GPC3: variants seen among roughly 807,000 people sequenced by gnomAD.
GPC3 encodes the protein glypican-3.
A neutral mutation model predicts 34.4 loss-of-function variants in GPC3; 3 were observed. The observed-to-expected ratio is 0.09, with a 90% CI of 0.04 to 0.23. GPC3 has a LOEUF of 0.23. GPC3 is among the 10% of genes least tolerant of loss of function. The pLI is 1.00. For missense variants in GPC3, 351 were observed against 445.6 expected, an observed-to-expected ratio of 0.79 and a Z score of 1.91; for synonymous variants, 177 against 174.0, an observed-to-expected ratio of 1.02 and a Z score of -0.13.
chrX:133,652,030 C>T (rs1042941412), intron 6 of GPC3, among the ~76,000 whole-genome samples: 1 of 111,959 alleles, frequency 8.9e-6, no homozygotes, highest in Non-Finnish European at 1.9e-5. Flanking sequence ...ATGGTTGCTT[C>T]CAAGAGCTCA....
chrX:133,568,255 G>T (rs187255866), intron 7 of GPC3, among the ~76,000 whole-genome samples: 6 of 111,831 alleles, frequency 5.4e-5, no homozygotes, highest in African/African-American at 2.0e-4. Flanking sequence ...AAAACACTTT[G>T]CACATCTCCA....
At chrX:133,736,728 G>A (rs2071514482) in intron 3 of GPC3, among the ~76,000 whole-genome samples, 1 of 111,723 alleles carries the variant, frequency 9.0e-6, no homozygotes, top group Non-Finnish European at 1.9e-5. Flanking sequence ...CAGGGGAGAT[G>A]GAGAGTAATA....
chrX:133,839,927 CAAA>C (rs138981758), intron 2 of GPC3, among the ~76,000 whole-genome samples: 4 of 50,080 alleles, frequency 8.0e-5, no homozygotes, highest in Admixed American at 2.8e-4. Context: ...GACTCCGTTT[CAAA>C]AAAAAAAAAA....
At chrX:133,806,588 T>C (rs1475251051) in intron 2 of GPC3, among the ~76,000 whole-genome samples, 1 of 111,816 alleles carries the variant, frequency 8.9e-6, no homozygotes, top group African/African-American at 3.2e-5. Flanking sequence ...TTGTTGAAAT[T>C]GAGATCACCT....
Position 133,635,592 on chromosome X carries a change from G to C in GPC3, c.1413+26138C>G, listed in dbSNP as rs150798784. Reference sequence around the variant, plus strand: ...AAAATATACCTAAGAAAGTATGCCAGACTCACACTCCATTCATCAAACCAC... The same window carrying C: ...AAAATATACCTAAGAAAGTATGCCACACTCACACTCCATTCATCAAACCAC... On this transcript the variant is annotated intron_variant, in intron 6 of 7. Transcript: ENST00000370818. 9.0e-3 allele frequency among the ~76,000 whole-genome samples: 1,006 copies of C among 111,724 alleles called. 14 individuals are homozygous for C. The highest frequency in any genetic ancestry group is 0.03 in the African/African-American group (915 of 30,775).
intron 6 of GPC3, among the ~76,000 whole-genome samples, chrX:133,604,593 G>C (rs2070026014): frequency 9.0e-6 from 1 of 111,591 alleles, no homozygotes; most frequent in African/African-American, 3.3e-5. Flanking sequence ...ACATGGCTAA[G>C]AGTTTGCTTG....
intron 5 of GPC3, among the ~76,000 whole-genome samples, chrX:133,672,929 C>T (rs1235105664): frequency 2.8e-5 from 3 of 105,303 alleles, no homozygotes; most frequent in Non-Finnish European, 5.8e-5. Context: ...GGATTATAGG[C>T]GTGAGCCACT....
chrX:133,732,152 C>T (rs1381480005), intron 3 of GPC3, among the ~76,000 whole-genome samples: 1 of 111,208 alleles, frequency 9.0e-6, no homozygotes, highest in Non-Finnish European at 1.9e-5. Context: ...ATGTCCTGTA[C>T]AATCAGGATG....
intron 2 of GPC3, among the ~76,000 whole-genome samples, chrX:133,765,264 G>C (rs1412867580): frequency 8.9e-6 from 1 of 112,001 alleles, no homozygotes; most frequent in Non-Finnish European, 1.9e-5. Flanking sequence ...TCTACATCTG[G>C]CTATTGTTTT....
At chrX:133,757,402 G>C (rs1310421624) in intron 2 of GPC3, among the ~76,000 whole-genome samples, 1 of 110,886 alleles carries the variant, frequency 9.0e-6, no homozygotes, top group Non-Finnish European at 1.9e-5. Flanking sequence ...GTACAATCAG[G>C]GTATTACCTC....
chrX:133,985,184 G>T, intron 1 of GPC3, 91 bp downstream of exon 1: 1 of 1,013,828 alleles, frequency 9.9e-7, no homozygotes, highest in Non-Finnish European at 1.4e-6. Flanking sequence ...CACGACTACA[G>T]CCCGGCGGGG....
intron 1 of GPC3, among the ~76,000 whole-genome samples, chrX:133,966,474 A>T (rs1018461942): frequency 6.2e-5 from 7 of 112,209 alleles, no homozygotes; most frequent in African/African-American, 2.3e-4. Context: ...TGCTTCTCCC[A>T]GCTCTAATAG....
chrX:133,726,978 T>C (rs2071414785), intron 3 of GPC3, among the ~76,000 whole-genome samples: 1 of 111,835 alleles, frequency 8.9e-6, no homozygotes, highest in South Asian at 3.8e-4. Context: ...TTGACTTGAG[T>C]TTCTGTTTCC....
intron 1 of GPC3, among the ~76,000 whole-genome samples, chrX:133,953,464 C>G (rs1331064736): frequency 1.8e-5 from 2 of 111,772 alleles, no homozygotes; most frequent in Non-Finnish European, 3.8e-5. Context: ...CTAGGTTTGA[C>G]TCATAAATTC....
intron 3 of GPC3, among the ~76,000 whole-genome samples, chrX:133,709,429 G>T (rs1320853723): frequency 9.0e-6 from 1 of 111,271 alleles, no homozygotes; most frequent in Admixed American, 9.6e-5. Flanking sequence ...ATAAAATGAT[G>T]AATTTCAGTT....
intron 3 of GPC3, among the ~76,000 whole-genome samples, chrX:133,725,748 C>A (rs865973203): frequency 1.8e-5 from 2 of 111,998 alleles, no homozygotes; most frequent in Admixed American, 9.5e-5. Flanking sequence ...CGGCCCCCAG[C>A]CTATTATCAA....
In GPC3 at chrX:133,839,252, C is replaced by A. The variant is rs1245018791; in HGVS notation, c.338-85076G>T. ...TTAGTGTTTTTCATCTCCTAGCCCCCAAAGCATTTTTGGCTCCCCCTTGTG... is the reference window on the plus strand; with the variant it reads ...TTAGTGTTTTTCATCTCCTAGCCCCAAAAGCATTTTTGGCTCCCCCTTGTG... On this transcript the variant is annotated intron_variant, in intron 2 of 7. Transcript: ENST00000370818. Among the ~76,000 whole-genome samples, 8 of 111,755 alleles carry A rather than the reference C, an allele frequency of 7.2e-5. No homozygotes were observed. The Admixed American group carries it at 7.6e-4, about 11-fold the overall frequency.
intron 1 of GPC3, among the ~76,000 whole-genome samples, chrX:133,980,105 A>T (rs1390545838): frequency 1.8e-5 from 2 of 112,094 alleles, no homozygotes; most frequent in Non-Finnish European, 3.8e-5. Flanking sequence ...GATTTAAGAG[A>T]TGTCCTACAA....
At chrX:133,755,719 T>G (rs773856935) in intron 2 of GPC3, among the ~76,000 whole-genome samples, 1 of 111,863 alleles carries the variant, frequency 8.9e-6, no homozygotes, top group Non-Finnish European at 1.9e-5. Flanking sequence ...CACTTGGTTT[T>G]TTTGTTTGTT....
Sources: gnomAD v4.1 joint callset for allele counts (sites outside exome capture counted in the v4.1 genomes callset) on GRCh38, gnomAD v4.1.1 for gene constraint, MANE v1.5 for transcripts, NCBI Gene and HGNC (gene_info 2026-07-23, HGNC 2026-07-21) for gene names.